THRB: variants seen among roughly 807,000 people sequenced by gnomAD.
The protein encoded by THRB is thyroid hormone receptor beta.
In THRB, 12 loss-of-function variants were observed where a neutral mutation model predicts 47.8. The ratio of observed to expected loss-of-function variants is 0.25; its 90% CI spans 0.16 to 0.41. THRB has a LOEUF of 0.41. THRB is among the 10% of genes least tolerant of loss of function. THRB has a pLI of 1.00. For missense variants in THRB, 348 were observed against 589.2 expected (o/e 0.59, Z 4.24); for synonymous variants, 218 against 212.2 (o/e 1.03, Z -0.24).
chr3:24,371,158 C>T (rs2064875324), intron 1 of THRB, among the ~76,000 whole-genome samples: 1 of 152,150 alleles, frequency 6.6e-6, no homozygotes. Context: ...GTGGTTAGAA[C>T]ACCTATCTAC....
intron 4 of THRB, among the ~76,000 whole-genome samples, chr3:24,215,563 A>T (rs1360705136): frequency 6.6e-6 from 1 of 152,214 alleles, no homozygotes; most frequent in Non-Finnish European, 1.5e-5. Flanking sequence ...AAACAAAAAG[A>T]TGACTTCACT....
intron 3 of THRB, among the ~76,000 whole-genome samples, chr3:24,278,291 G>A (rs935482880): frequency 6.6e-6 from 1 of 152,194 alleles, no homozygotes; most frequent in Non-Finnish European, 1.5e-5. Flanking sequence ...CAGGCATAAA[G>A]TATGCTATAA....
chr3:24,359,176 T>C (rs752240456), intron 1 of THRB, among the ~76,000 whole-genome samples: 9 of 152,090 alleles, frequency 5.9e-5, no homozygotes, highest in Non-Finnish European at 1.2e-4. Flanking sequence ...TGGTGTTAAT[T>C]AAGGATACTC....
chr3:24,261,644 A>G (rs996531648), intron 3 of THRB, among the ~76,000 whole-genome samples: 5 of 151,930 alleles, frequency 3.3e-5, no homozygotes, highest in Non-Finnish European at 7.4e-5. Context: ...TTTCTCTGAA[A>G]GTTTCTCCAA....
chr3:24,198,771 ACTGTGAACAG>A (rs2044265741), intron 4 of THRB, among the ~76,000 whole-genome samples: 1 of 152,116 alleles, frequency 6.6e-6, no homozygotes, highest in African/African-American at 2.4e-5. Flanking sequence ...AGCTCTTGAG[ACTGTGAACAG>A]ATCCTACTTT....
chr3:24,355,209 C>A (rs1312581238), intron 1 of THRB, among the ~76,000 whole-genome samples: 1 of 152,108 alleles, frequency 6.6e-6, no homozygotes, highest in African/African-American at 2.4e-5. Flanking sequence ...CTTCCAAAGG[C>A]ACATCACCTG....
chr3:24,213,945 G>A (rs1222169749), intron 4 of THRB, among the ~76,000 whole-genome samples: 1 of 152,142 alleles, frequency 6.6e-6, no homozygotes, highest in Non-Finnish European at 1.5e-5. Flanking sequence ...GTCACTGTGG[G>A]GGATCATGAT....
At chr3:24,127,397 G>C (rs1296080585) in intron 10 of THRB, 102 bp downstream of exon 10, 2 of 1,278,410 alleles carry the variant, frequency 1.6e-6, no homozygotes, top group Non-Finnish European at 2.2e-6. Context: ...AGTGAGCTAT[G>C]TTTCTGAAGC....
chr3:24,244,435 A>G (rs556289909), intron 3 of THRB, among the ~76,000 whole-genome samples: 1 of 152,324 alleles, frequency 6.6e-6, no homozygotes, highest in Admixed American at 6.5e-5. Context: ...ATTTGCTGCC[A>G]GAGACATCTA....
At position 24,133,695 on chromosome 3, in the gene THRB, A is replaced by AAGAGAGAGAGAGAGAG. The variant is rs10652016; in HGVS notation, c.739-249_739-234dup. 1.1e-4 allele frequency among the ~76,000 whole-genome samples: 16 copies of AAGAGAGAGAGAGAGAG among 150,372 alleles called. No homozygotes were observed. In the South Asian group the frequency reaches 3.4e-3, roughly 32 times the overall value. ...ATGTTTACAGGACTGTTGCTGCAGA[A>AAGAGAGAGAGAGAGAG]AGAGAGAGAGAGAGAGAGAGAGAGA... On this transcript the variant is annotated intron_variant, in intron 8 of 10. Transcript: ENST00000646209.
At chr3:24,203,898 C>A (rs2044934989) in intron 4 of THRB, among the ~76,000 whole-genome samples, 1 of 152,226 alleles carries the variant, frequency 6.6e-6, no homozygotes, top group Admixed American at 6.5e-5. Flanking sequence ...CCCACGGAGC[C>A]TTGCTCATTG....
intron 3 of THRB, among the ~76,000 whole-genome samples, chr3:24,274,907 A>G (rs1180655590): frequency 1.3e-5 from 2 of 152,120 alleles, no homozygotes; most frequent in African/African-American, 4.8e-5. Flanking sequence ...GTGTTTTATG[A>G]GCTTTGTGTA....
intron 2 of THRB, among the ~76,000 whole-genome samples, chr3:24,297,907 G>A (rs1030847451): frequency 6.6e-6 from 1 of 152,168 alleles, no homozygotes; most frequent in African/African-American, 2.4e-5. Flanking sequence ...AGACTTCAGA[G>A]CAGTGGCTCC....
chr3:24,386,262 G>A (rs988557176), intron 1 of THRB, among the ~76,000 whole-genome samples: 2 of 152,028 alleles, frequency 1.3e-5, no homozygotes, highest in African/African-American at 2.4e-5. Flanking sequence ...CAATCAAATT[G>A]TCTTCTATTT....
chr3:24,191,027 G>C (rs59502702), intron 4 of THRB, among the ~76,000 whole-genome samples: 1 of 152,006 alleles, frequency 6.6e-6, no homozygotes, highest in Non-Finnish European at 1.5e-5. Flanking sequence ...ATGATAGAAT[G>C]ATGAACTTAA....
intron 3 of THRB, among the ~76,000 whole-genome samples, chr3:24,262,306 A>G (rs1010655745): frequency 6.6e-6 from 1 of 152,192 alleles, no homozygotes; most frequent in Non-Finnish European, 1.5e-5. Context: ...TTCTGCTTTC[A>G]TCTTTGTCCC....
At chr3:24,486,243 T>C (rs73823336) in intron 1 of THRB, among the ~76,000 whole-genome samples, 3,221 of 152,270 alleles carry the variant, frequency 0.021, 117 homozygotes, top group African/African-American at 0.069. Flanking sequence ...TGCCATAGCG[T>C]AGAGGAATTA....
At chr3:24,425,881 C>T (rs896728903) in intron 1 of THRB, among the ~76,000 whole-genome samples, 2 of 151,874 alleles carry the variant, frequency 1.3e-5, no homozygotes, top group African/African-American at 4.8e-5. Context: ...TAACCTCTAC[C>T]TCATATGATG....
chr3:24,324,992 C>T (rs1040983453), intron 2 of THRB, among the ~76,000 whole-genome samples: 3 of 152,112 alleles, frequency 2.0e-5, no homozygotes, highest in Non-Finnish European at 2.9e-5. Context: ...TGAATAAAAT[C>T]GATAATTTCA....
Sources: allele counts gnomAD v4.1 joint callset (sites outside exome capture counted in the v4.1 genomes callset), GRCh38; gene constraint gnomAD v4.1.1; transcripts MANE v1.5; gene names NCBI Gene and HGNC (gene_info 2026-07-23, HGNC 2026-07-21).